The following SLC35F3 variants were observed in gnomAD, a reference collection of about 807,000 sequenced individuals.
SLC35F3 encodes putative thiamine transporter SLC35F3.
SLC35F3 carries 25 observed loss-of-function variants against 49.9 expected under a neutral mutation model. The ratio of observed to expected loss-of-function variants is 0.50; its 90% confidence interval spans 0.37 to 0.70. The LOEUF is 0.70. Among genes scored for constraint, SLC35F3 ranks in the 30% least tolerant of loss-of-function variants. The pLI, the probability that SLC35F3 is intolerant of heterozygous loss-of-function variation, is 0.00. For missense variants in SLC35F3, 525 were observed against 639.8 expected (o/e 0.82, Z 1.94); for synonymous variants, 275 against 265.4 (o/e 1.04, Z -0.35).
chr1:234,182,958 C>T (rs1666585254), intron 2 of SLC35F3, among the ~76,000 whole-genome samples: 1 of 117,418 alleles, frequency 8.5e-6, no homozygotes, highest in Non-Finnish European at 1.8e-5. Flanking sequence ...GATATTAATC[C>T]TTTGAGTTAT....
At chr1:234,155,185 C>G (rs927586270) in intron 2 of SLC35F3, among the ~76,000 whole-genome samples, 1 of 151,980 alleles carries the variant, frequency 6.6e-6, no homozygotes, top group Non-Finnish European at 1.5e-5. Flanking sequence ...TGTATGCAAA[C>G]TCGTGGATAC....
At chr1:233,920,428 G>A (rs60861221) in intron 2 of SLC35F3, among the ~76,000 whole-genome samples, 59,692 of 152,022 alleles carry the variant, frequency 0.39, 12,149 homozygotes, top group Middle Eastern at 0.48. Flanking sequence ...AGGAGAGATG[G>A]TGACTACTCA....
Position 234,266,887 on chromosome 1 carries a change from T to A in SLC35F3, c.608+35146T>A, listed in dbSNP as rs12033973. On this transcript the variant is annotated intron_variant, in intron 3 of 7. Coordinates refer to ENST00000366618, the MANE Select transcript of SLC35F3 (RefSeq NM_173508.4). ...TGAAGCACATGGTTTTTTTTTTTTTTTTTTTTTTTTATTGATCATTCTTGG... is the reference window on the plus strand; with the variant it reads ...TGAAGCACATGGTTTTTTTTTTTTTATTTTTTTTTTATTGATCATTCTTGG... 2.6e-3 allele frequency among the ~76,000 whole-genome samples: 386 copies of A among 149,142 alleles called. 1 individual carries two copies. The highest frequency in any genetic ancestry group is 9.2e-3 in the African/African-American group (367 of 39,976).
At chr1:234,081,819 G>A (rs1033574488) in intron 2 of SLC35F3, among the ~76,000 whole-genome samples, 3 of 150,114 alleles carry the variant, frequency 2.0e-5, no homozygotes, top group Admixed American at 2.0e-4. Flanking sequence ...CTCACTGCAA[G>A]CTCCGCCTCC....
At chr1:234,131,908 A>C (rs1665742406) in intron 2 of SLC35F3, among the ~76,000 whole-genome samples, 1 of 152,180 alleles carries the variant, frequency 6.6e-6, no homozygotes, top group South Asian at 2.1e-4. Context: ...CGATAATAAT[A>C]AGGTTCTCTT....
At chr1:234,302,475 A>G (rs1668707481) in intron 3 of SLC35F3, among the ~76,000 whole-genome samples, 2 of 152,144 alleles carry the variant, frequency 1.3e-5, no homozygotes, top group African/African-American at 4.8e-5. Flanking sequence ...GTCATGGAGA[A>G]CTTGAGCGTA....
intron 2 of SLC35F3, among the ~76,000 whole-genome samples, chr1:234,056,739 G>T (rs1379810657): frequency 6.6e-6 from 1 of 152,136 alleles, no homozygotes; most frequent in East Asian, 1.9e-4. Context: ...CCATTGCCAA[G>T]TCTGAGGTCA....
rs113669420 is a variant in SLC35F3, at chr1:233,960,031, A to G, written c.283+54273A>G. ...TCCTCTTCAGCACATGTGCCTTTCT[A>G]TCTTCCTGCCTCCTGCAGACTCATC... On this transcript the variant is annotated intron_variant, in intron 2 of 7. Transcript: ENST00000366618. 1.4e-3 allele frequency among the ~76,000 whole-genome samples: 211 copies of G among 152,218 alleles called. 1 individual carries two copies. Among genetic ancestry groups the G allele is most frequent in the African/African-American group, 4.7e-3 (196 of 41,508 alleles).
At chr1:234,083,938 A>T (rs901221737) in intron 2 of SLC35F3, among the ~76,000 whole-genome samples, 1 of 151,630 alleles carries the variant, frequency 6.6e-6, no homozygotes, top group Admixed American at 6.6e-5. Flanking sequence ...CCTGGGTTCA[A>T]GCGATTCTCC....
At chr1:234,309,038 G>T in intron 3 of SLC35F3, 63 bp from the exon 4 acceptor site, 5 of 1,365,442 alleles carry the variant, frequency 3.7e-6, no homozygotes, top group Admixed American at 2.2e-5. Flanking sequence ...ACTTGCTATA[G>T]GAAATAAATG....
At chr1:234,092,349 C>T (rs889583055) in intron 2 of SLC35F3, among the ~76,000 whole-genome samples, 4 of 152,276 alleles carry the variant, frequency 2.6e-5, no homozygotes, top group Admixed American at 2.0e-4. Flanking sequence ...CTCTTCCATT[C>T]CCTCAGGAGT....
At chr1:234,306,733 C>A (rs1657197220) in intron 3 of SLC35F3, among the ~76,000 whole-genome samples, 1 of 152,114 alleles carries the variant, frequency 6.6e-6, no homozygotes, top group Non-Finnish European at 1.5e-5. Flanking sequence ...CTTGGGCCAT[C>A]AATACCAAGC....
chr1:234,296,290 G>T (rs1391633011), intron 3 of SLC35F3, among the ~76,000 whole-genome samples: 4 of 151,982 alleles, frequency 2.6e-5, no homozygotes, highest in Non-Finnish European at 5.9e-5. Flanking sequence ...TTTTGCAAGG[G>T]ATGGTCCTAT....
intron 2 of SLC35F3, among the ~76,000 whole-genome samples, chr1:234,120,330 T>C (rs1049073199): frequency 6.6e-5 from 10 of 152,252 alleles, no homozygotes; most frequent in Non-Finnish European, 1.2e-4. Flanking sequence ...TGCTATAATA[T>C]AAACTGCAGG....
chr1:233,934,944 C>T (rs1662299973), intron 2 of SLC35F3, among the ~76,000 whole-genome samples: 1 of 151,498 alleles, frequency 6.6e-6, no homozygotes, highest in Non-Finnish European at 1.5e-5. Flanking sequence ...GGGATCTTAT[C>T]ATGCTTCTTG....
At chr1:234,024,511 G>T (rs1055578221) in intron 2 of SLC35F3, among the ~76,000 whole-genome samples, 3 of 152,284 alleles carry the variant, frequency 2.0e-5, no homozygotes, top group Admixed American at 2.0e-4. Context: ...AGTTATGGAG[G>T]CTCAGAAGTC....
At chr1:234,086,110 A>G (rs1025608672) in intron 2 of SLC35F3, among the ~76,000 whole-genome samples, 1 of 152,260 alleles carries the variant, frequency 6.6e-6, no homozygotes, top group African/African-American at 2.4e-5. Flanking sequence ...TATTGAAGAA[A>G]TGAGTGAATG....
chr1:234,143,288 C>CTTTTTTTTTT (rs1352256091), intron 2 of SLC35F3, among the ~76,000 whole-genome samples: 19 of 123,522 alleles, frequency 1.5e-4, no homozygotes, highest in African/African-American at 4.6e-4. Context: ...CTTTTCTTTT[C>CTTTTTTTTTT]TTTTTTTTTT....
intron 2 of SLC35F3, among the ~76,000 whole-genome samples, chr1:234,136,218 C>A (rs1170520625): frequency 1.3e-5 from 2 of 151,864 alleles, no homozygotes; most frequent in Non-Finnish European, 2.9e-5. Flanking sequence ...CTCTTCCCTT[C>A]CCTTCTCCTT....
Sources: gnomAD v4.1 joint callset for allele counts (sites outside exome capture counted in the v4.1 genomes callset) on GRCh38, gnomAD v4.1.1 for gene constraint, MANE v1.5 for transcripts, NCBI Gene and HGNC (gene_info 2026-07-23, HGNC 2026-07-21) for gene names.